Variants in MAP4K4 observed in about 807,000 individuals in gnomAD.
MAP4K4 encodes the protein HPK/GCK-like kinase HGK.
MAP4K4 carries 38 observed loss-of-function variants against 189.6 expected under a neutral mutation model. The ratio of observed to expected loss-of-function variants is 0.20; its 90% CI spans 0.15 to 0.26. MAP4K4 has a LOEUF of 0.26. Among genes scored for constraint, MAP4K4 ranks in the 10% least tolerant of loss-of-function variants. MAP4K4 has a pLI of 1.00. For missense variants in MAP4K4, 1,054 were observed against 1,726.9 expected (o/e 0.61, Z 6.91); for synonymous variants, 610 against 624.3 (o/e 0.98, Z 0.34).
At chr2:101,713,298 A>C (rs2046620706) in intron 2 of MAP4K4, among the ~76,000 whole-genome samples, 1 of 152,120 alleles carries the variant, frequency 6.6e-6, no homozygotes, top group African/African-American at 2.4e-5. Flanking sequence ...TCAATTAAAA[A>C]ATTTTTAATC....
intron 22 of MAP4K4, 186 bp from the exon 23 acceptor site, chr2:101,870,109 A>G (rs1310564450): frequency 9.0e-6 from 6 of 668,754 alleles, no homozygotes; most frequent in Middle Eastern, 4.1e-4. Flanking sequence ...GTTTTTGCTC[A>G]GAAACAAATG....
At chr2:101,729,254 C>CTCTTT (rs10643329) in intron 2 of MAP4K4, among the ~76,000 whole-genome samples, 113,983 of 151,450 alleles carry the variant, frequency 0.75, 43,338 homozygotes, top group African/African-American at 0.88. Flanking sequence ...TGCTTACAGT[C>CTCTTT]TCTTTTATTT....
At chr2:101,734,148 A>G (rs1235085999) in intron 2 of MAP4K4, among the ~76,000 whole-genome samples, 3 of 152,222 alleles carry the variant, frequency 2.0e-5, no homozygotes, top group Non-Finnish European at 2.9e-5. Flanking sequence ...TCCATTATAC[A>G]GGGTATCATA....
chr2:101,816,324 T>C (rs546048015), intron 3 of MAP4K4, among the ~76,000 whole-genome samples: 1 of 152,262 alleles, frequency 6.6e-6, no homozygotes, highest in Non-Finnish European at 1.5e-5. Context: ...TTGTCAAATA[T>C]GTAAGCACGA....
At chr2:101,870,192 T>G in intron 22 of MAP4K4, 103 bp from the exon 23 acceptor site, 1 of 1,186,148 alleles carries the variant, frequency 8.4e-7, no homozygotes. Context: ...TTTATATCGG[T>G]AGCCTCATCT....
At chr2:101,770,365 C>T (rs922094944) in intron 2 of MAP4K4, among the ~76,000 whole-genome samples, 1 of 150,988 alleles carries the variant, frequency 6.6e-6, no homozygotes, top group African/African-American at 2.4e-5. Context: ...TCTCCTGCCT[C>T]AGCCTCCCGA....
At chr2:101,882,558 G>A (rs1303027935) in exon 28 of MAP4K4, 13 of 1,583,782 alleles carry the variant, frequency 8.2e-6, no homozygotes, top group Non-Finnish European at 8.5e-6. Context: ...TAGGCAAAAA[G>A]GATAAGTTAC....
intron 2 of MAP4K4, among the ~76,000 whole-genome samples, chr2:101,745,645 G>A (rs183363599): frequency 1.3e-3 from 196 of 152,110 alleles, no homozygotes; most frequent in African/African-American, 4.5e-3. Context: ...AGTCTGAAGC[G>A]CCTTCTATTT....
At chr2:101,833,619 C>CAAAAAAAA (rs373529950) in intron 7 of MAP4K4, among the ~76,000 whole-genome samples, 1 of 64,670 alleles carries the variant, frequency 1.5e-5, no homozygotes. Context: ...GACTCCATCT[C>CAAAAAAAA]AAAAAAAAAA....
At chr2:101,785,679 T>C (rs1575515425) in intron 2 of MAP4K4, among the ~76,000 whole-genome samples, 4 of 1,002 alleles carry the variant, frequency 4.0e-3, no homozygotes, top group East Asian at 0.024. Flanking sequence ...TCTTTCTCCC[T>C]CTCTCTCTCT....
At chr2:101,804,595 C>T (rs1233736192) in intron 3 of MAP4K4, among the ~76,000 whole-genome samples, 1 of 152,108 alleles carries the variant, frequency 6.6e-6, no homozygotes, top group African/African-American at 2.4e-5. Context: ...TTCCTTTACC[C>T]GTGTTTCTTT....
At chr2:101,744,191 T>C (rs757694912) in intron 2 of MAP4K4, among the ~76,000 whole-genome samples, 1 of 152,232 alleles carries the variant, frequency 6.6e-6, no homozygotes, top group Non-Finnish European at 1.5e-5. Flanking sequence ...AGAGAGACTT[T>C]TCCAGTGTAT....
At chr2:101,864,819 AAGGACTGCTTTTAAATATT>A (rs2097768958) in intron 17 of MAP4K4, 92 bp from the exon 18 acceptor site, 1 of 697,468 alleles carries the variant, frequency 1.4e-6, no homozygotes, top group Non-Finnish European at 2.5e-6. Flanking sequence ...AGGTGATAGG[AAGGACTGCTTTTAAATATT>A]AGGACTGCTT....
At chr2:101,834,169 TCCTTCCCTCCCTTCCCTCCCTC>T (rs1437369051) in intron 7 of MAP4K4, among the ~76,000 whole-genome samples, 5 of 146,966 alleles carry the variant, frequency 3.4e-5, no homozygotes, top group Non-Finnish European at 7.5e-5. Context: ...TTCCTTCCTT[TCCTTCCCTCCCTTCCCTCCCTC>T]CCCTCCCTCC....
exon 31 of MAP4K4, chr2:101,887,894 C>G (rs767733205): frequency 6.2e-7 from 1 of 1,611,396 alleles, no homozygotes; most frequent in Non-Finnish European, 8.5e-7. Flanking sequence ...GAAGGATCAC[C>G]AAGGATGTAG....
rs1177385745 is a variant in MAP4K4, at chr2:101,769,588, TC to T, written c.124-21131del. Reference sequence around the variant, plus strand: ...TGATGCTCATCCAGAAATGTCTTTTTCTTTTTTTTTTTTGAGGTGGAGTCTT... The same window carrying T: ...TGATGCTCATCCAGAAATGTCTTTTTTTTTTTTTTTTTGAGGTGGAGTCTT... On this transcript the variant is annotated intron_variant, in intron 2 of 32. Coordinates refer to ENST00000324219, the Ensembl canonical transcript of MAP4K4. Among the ~76,000 whole-genome samples, 3 of 152,172 alleles carry T rather than the reference TC, an allele frequency of 2.0e-5. No individual in the cohort carries two copies. The East Asian group carries it at 5.8e-4, about 29-fold the overall frequency.
intron 2 of MAP4K4, among the ~76,000 whole-genome samples, chr2:101,762,529 A>C (rs915274051): frequency 1.3e-5 from 2 of 152,174 alleles, no homozygotes; most frequent in African/African-American, 4.8e-5. Context: ...TGAGTACAGA[A>C]GTACTTTTGA....
At chr2:101,885,676 A>G (rs986488560) in intron 29 of MAP4K4, among the ~76,000 whole-genome samples, 1 of 152,264 alleles carries the variant, frequency 6.6e-6, no homozygotes, top group African/African-American at 2.4e-5. Context: ...ATATCTGTTC[A>G]TAAAATACTA....
chr2:101,710,476 ATTT>A (rs572917657), intron 2 of MAP4K4, among the ~76,000 whole-genome samples: 2 of 152,104 alleles, frequency 1.3e-5, no homozygotes, highest in Admixed American at 6.5e-5. Context: ...GATTTCCTTT[ATTT>A]ATTTATCTAG....
Sources: gnomAD v4.1 joint callset for allele counts (sites outside exome capture counted in the v4.1 genomes callset) on GRCh38, gnomAD v4.1.1 for gene constraint, MANE v1.5 for transcripts, NCBI Gene and HGNC (gene_info 2026-07-23, HGNC 2026-07-21) for gene names.